DMD: variants seen among roughly 807,000 people sequenced by gnomAD.
The protein encoded by DMD is dystrophin, also known as mutant dystrophin.
In DMD, 63 loss-of-function variants were observed where a neutral mutation model predicts 330.1. That is an observed-to-expected ratio of 0.19 (90% CI 0.16 to 0.24). The LOEUF is 0.24. DMD is among the 10% of genes least tolerant of loss of function. The pLI, the probability that DMD is intolerant of heterozygous loss-of-function variation, is 1.00. For synonymous variants in DMD, 1,223 were observed against 959.8 expected, an observed-to-expected ratio of 1.27 and a Z score of -5.07; for missense variants, 3,344 against 2,684.1, an observed-to-expected ratio of 1.25 and a Z score of -5.43.
intron 43 of DMD, among the ~76,000 whole-genome samples, chrX:32,256,608 G>A (rs987889304): frequency 9.0e-6 from 1 of 111,048 alleles, no homozygotes; most frequent in Non-Finnish European, 1.9e-5. Flanking sequence ...TCATAGGGTC[G>A]ATGGTCTTTA....
At chrX:31,229,869 GTAT>G (rs1273357749) in intron 63 of DMD, among the ~76,000 whole-genome samples, 1 of 112,166 alleles carries the variant, frequency 8.9e-6, no homozygotes, top group Non-Finnish European at 1.9e-5. Flanking sequence ...CAGATGACAA[GTAT>G]TATTCTTGCC....
At chrX:32,543,737 G>T (rs1331738507) in intron 17 of DMD, among the ~76,000 whole-genome samples, 1 of 111,754 alleles carries the variant, frequency 8.9e-6, no homozygotes, top group Non-Finnish European at 1.9e-5. Flanking sequence ...GTTCCTGAAA[G>T]TTGTTGCCAC....
At chrX:32,783,342 CAT>C (rs2075051523) in intron 7 of DMD, among the ~76,000 whole-genome samples, 2 of 101,317 alleles carry the variant, frequency 2.0e-5, no homozygotes, top group African/African-American at 7.4e-5. Flanking sequence ...TATATATACA[CAT>C]ATATGGTATA....
chrX:31,750,954 T>A (rs1368526145), intron 51 of DMD, among the ~76,000 whole-genome samples: 2 of 107,823 alleles, frequency 1.9e-5, no homozygotes, highest in Non-Finnish European at 3.8e-5. Context: ...GTGAAGGACC[T>A]CTTCAAGGAG....
At chrX:32,438,479 A>T in intron 28 of DMD, 89 bp from the exon 29 acceptor site, 1 of 1,047,332 alleles carries the variant, frequency 9.5e-7, no homozygotes, top group East Asian at 3.2e-5. Context: ...TCTGATTTAC[A>T]TATAATTAAG....
chrX:32,445,567 C>A, intron 27 of DMD, among the ~76,000 whole-genome samples: 1 of 110,160 alleles, frequency 9.1e-6, no homozygotes, highest in South Asian at 3.7e-4. Flanking sequence ...ATTTTAATAA[C>A]TAAAAGTGAA....
intron 44 of DMD, among the ~76,000 whole-genome samples, chrX:32,053,006 G>C (rs189346726): frequency 9.0e-6 from 1 of 111,618 alleles, no homozygotes; most frequent in African/African-American, 3.3e-5. Flanking sequence ...TAAATTGTGA[G>C]TTTAGTTTCC....
chrX:31,169,887 T>C (rs986820067), intron 73 of DMD, among the ~76,000 whole-genome samples: 16 of 111,939 alleles, frequency 1.4e-4, no homozygotes, highest in African/African-American at 5.2e-4. Context: ...GGACTCTACG[T>C]TGATGTTAGT....
At chrX:33,028,135 G>C (rs1242798651) in intron 1 of DMD, among the ~76,000 whole-genome samples, 1 of 111,934 alleles carries the variant, frequency 8.9e-6, no homozygotes, top group African/African-American at 3.2e-5. Flanking sequence ...AGACACATGA[G>C]CTGATTATAC....
At chrX:31,494,805 C>T (rs1242582691) in intron 57 of DMD, among the ~76,000 whole-genome samples, 1 of 112,066 alleles carries the variant, frequency 8.9e-6, no homozygotes, top group African/African-American at 3.2e-5. Context: ...CAATCAGAAT[C>T]CATCTTATGA....
chrX:32,852,844 A>C lies in DMD; in HGVS notation c.94-3024T>G, dbSNP rs5928091. On this transcript the variant is annotated intron_variant, in intron 2 of 78. Coordinates refer to ENST00000357033, the MANE Select transcript of DMD (RefSeq NM_004006.3). ...AAAGGAAGAATGGGACAAACTTTGT[A>C]TTGTGGCTTGGGTGCCAGCTCTGCC... Among the ~76,000 whole-genome samples, 746 of 110,210 alleles carry C rather than the reference A, an allele frequency of 6.8e-3. 4 individuals carry two copies. The highest frequency in any genetic ancestry group is 9.9e-3 in the Non-Finnish European group (521 of 52,826).
chrX:33,093,033 C>T (rs1012105997), intron 1 of DMD, among the ~76,000 whole-genome samples: 1 of 110,574 alleles, frequency 9.0e-6, no homozygotes, highest in Non-Finnish European at 1.9e-5. Context: ...GCCACCACGT[C>T]CGGCTAATTT....
chrX:33,194,386 A>G (rs112991332), intron 1 of DMD, among the ~76,000 whole-genome samples: 65 of 110,610 alleles, frequency 5.9e-4, no homozygotes, highest in Admixed American at 2.8e-3. Flanking sequence ...TGGCTGGTCA[A>G]TTCTCTGCTT....
At chrX:32,901,620 G>A (rs1053228034) in intron 2 of DMD, among the ~76,000 whole-genome samples, 18 of 111,128 alleles carry the variant, frequency 1.6e-4, no homozygotes, top group Admixed American at 1.9e-4. Flanking sequence ...ATTATAAGCA[G>A]CTGTTTCAAA....
At chrX:33,242,359 G>A (rs1448988271) in intron 1 of DMD, among the ~76,000 whole-genome samples, 1 of 111,737 alleles carries the variant, frequency 8.9e-6, no homozygotes, top group Admixed American at 9.5e-5. Context: ...AACACACGAT[G>A]TTTGGTTTTC....
intron 41 of DMD, among the ~76,000 whole-genome samples, chrX:32,327,613 C>T (rs1170502391): frequency 9.0e-6 from 1 of 111,403 alleles, no homozygotes; most frequent in African/African-American, 3.3e-5. Flanking sequence ...TTTAATGACA[C>T]CTTAGGCTTA....
chrX:32,440,680 C>A (rs921375531), intron 28 of DMD, among the ~76,000 whole-genome samples: 1 of 111,468 alleles, frequency 9.0e-6, no homozygotes, highest in African/African-American at 3.2e-5. Flanking sequence ...TAAAAATGTA[C>A]TTACATTTTA....
chrX:31,632,177 G>A (rs1258415735), intron 54 of DMD, among the ~76,000 whole-genome samples: 1 of 111,469 alleles, frequency 9.0e-6, no homozygotes, highest in Non-Finnish European at 1.9e-5. Context: ...AGACTGCATT[G>A]AGTTGAATAT....
chrX:32,478,506 A>G lies in DMD; in HGVS notation c.2804-6197T>C, dbSNP rs950439780. On this transcript the variant is annotated intron_variant, in intron 21 of 78. Coordinates refer to ENST00000357033, the MANE Select transcript of DMD (RefSeq NM_004006.3). ...ACTGACAAAGGTGTCAAGAAATACA[A>G]CAGGACCCATGCATGATATATGATG... Among the ~76,000 whole-genome samples the G allele has an allele frequency of 4.5e-5, 5 of 111,801 alleles. 1 individual carries two copies. The highest frequency in any genetic ancestry group is 2.8e-4 in the East Asian group (1 of 3,542).
Sources: allele counts gnomAD v4.1 joint callset (sites outside exome capture counted in the v4.1 genomes callset), GRCh38; gene constraint gnomAD v4.1.1; transcripts MANE v1.5; gene names NCBI Gene and HGNC (gene_info 2026-07-23, HGNC 2026-07-21).